Variants in WDFY4 observed in about 807,000 individuals in gnomAD.
The protein encoded by WDFY4 is WD repeat- and FYVE domain-containing protein 4.
Under a neutral mutation model 351.9 loss-of-function variants are expected in WDFY4, and 169 were observed. The ratio of observed to expected loss-of-function variants is 0.48; its 90% CI spans 0.42 to 0.55. The LOEUF is 0.55. Ranked by LOEUF, WDFY4 falls within the 20% of genes least tolerant of loss-of-function variation. The pLI is 0.00. For synonymous variants in WDFY4, 1,622 were observed against 1,574.6 expected (o/e 1.03, Z -0.71); for missense variants, 3,803 against 3,935.6 (o/e 0.97, Z 0.90).
intron 8 of WDFY4, 55 bp from the exon 9 acceptor site, chr10:48,731,055 T>G: frequency 6.9e-7 from 1 of 1,456,570 alleles, no homozygotes; most frequent in Non-Finnish European, 9.1e-7. Flanking sequence ...AACATCTATT[T>G]GTAGACACAG....
Position 48,912,872 on chromosome 10 carries a change from T to A in WDFY4, c.7586+11009T>A, listed in dbSNP as rs556879062. 6.8e-4 allele frequency among the ~76,000 whole-genome samples: 104 copies of A among 152,376 alleles called. 1 individual carries two copies. The highest frequency in any genetic ancestry group is 3.4e-3 in the Middle Eastern group (1 of 294). ...AGCTATCTGCCTATTGATGCCTTAA[T>A]AATAAAACCTGCCCATTTCTGTGGT... is the stretch of plus-strand genomic sequence containing the variant. On this transcript the variant is annotated intron_variant, in intron 47 of 61. Transcript: ENST00000325239.
chr10:48,970,218 A>C lies in WDFY4; in HGVS notation c.8857A>C (p.Thr2953Pro), dbSNP rs1369617927. The change falls in exon 57 of 62, where the codon ACC becomes CCC. Residue 2953 changes from threonine to proline, a missense_variant. Thr to Pro is a conservative substitution (Grantham distance 38, BLOSUM62 -1). Coordinates refer to ENST00000325239, the MANE Select transcript of WDFY4 (RefSeq NM_001394531.1). Reference sequence around the variant, plus strand: ...CCCAACAACGATTGTCACCTCTGGGACCAGCACTGTGGTGTGTGTGTGGGA... The same window carrying C: ...CCCAACAACGATTGTCACCTCTGGGCCCAGCACTGTGGTGTGTGTGTGGGA... ...PSPTTIVTSG[T>P]STVVCVWELS... 6.4e-7 allele frequency: 1 copy of C among 1,551,676 alleles called. No individual in the cohort carries two copies. The highest frequency in any genetic ancestry group is 2.0e-5 in the Admixed American group (1 of 51,010).
intron 19 of WDFY4, among the ~76,000 whole-genome samples, chr10:48,784,062 A>G (rs1376309829): frequency 6.6e-6 from 1 of 152,186 alleles, no homozygotes. Context: ...CAAGGTATGG[A>G]TGTGCCATAG....
chr10:48,701,008 A>G (rs2063465819), intron 1 of WDFY4, among the ~76,000 whole-genome samples: 1 of 152,216 alleles, frequency 6.6e-6, no homozygotes, highest in African/African-American at 2.4e-5. Flanking sequence ...TTGTACAACC[A>G]TCAGCACTAT....
At chr10:48,833,903 C>T (rs903063405) in intron 39 of WDFY4, among the ~76,000 whole-genome samples, 1 of 152,186 alleles carries the variant, frequency 6.6e-6, no homozygotes, top group Non-Finnish European at 1.5e-5. Flanking sequence ...GAGGTGGAGC[C>T]TAAATCCCAC....
chr10:48,688,205 A>G (rs1405975912), intron 1 of WDFY4, among the ~76,000 whole-genome samples: 1 of 152,244 alleles, frequency 6.6e-6, no homozygotes, highest in Admixed American at 6.5e-5. Context: ...ACAATGCTAG[A>G]CAACATTGTT....
chr10:48,824,365 G>A (rs962311715), intron 35 of WDFY4, among the ~76,000 whole-genome samples: 3 of 152,170 alleles, frequency 2.0e-5, no homozygotes, highest in African/African-American at 4.8e-5. Flanking sequence ...AATACTATAA[G>A]TATTCTATGA....
intron 1 of WDFY4, among the ~76,000 whole-genome samples, chr10:48,686,995 A>C (rs2063068169): frequency 6.6e-6 from 1 of 152,138 alleles, no homozygotes; most frequent in African/African-American, 2.4e-5. Flanking sequence ...CAATGCACCA[A>C]AGTTTCTGTT....
intron 1 of WDFY4, among the ~76,000 whole-genome samples, chr10:48,700,300 G>A (rs10857620): frequency 0.59 from 90,328 of 152,052 alleles, 26,956 homozygotes; most frequent in East Asian, 0.71. Context: ...TGTACGTTAT[G>A]TAGACTGTGC....
At chr10:48,695,589 T>C (rs986755190) in intron 1 of WDFY4, among the ~76,000 whole-genome samples, 3 of 152,230 alleles carry the variant, frequency 2.0e-5, no homozygotes, top group Non-Finnish European at 4.4e-5. Context: ...AGAACATTGA[T>C]GTCTCTGTTA....
At chr10:48,729,692 A>C in intron 8 of WDFY4, 103 bp downstream of exon 8, 1 of 1,400,828 alleles carries the variant, frequency 7.1e-7, no homozygotes. Flanking sequence ...TCAATGGTGC[A>C]GTAGGCTCTG....
chr10:48,796,298 A>T lies in WDFY4; in HGVS notation c.4258A>T (p.Ile1420Leu). Residue 1420 changes from isoleucine (I) to leucine (L), a missense_variant and splice_region_variant, in exon 24 of 62, where the codon ATA becomes TTA. Coordinates refer to ENST00000325239, the MANE Select transcript of WDFY4 (RefSeq NM_001394531.1). Reference protein sequence around the residue: ...FLMQHICGYQIMAFLLRKKAS... With the variant: ...FLMQHICGYQLMAFLLRKKAS... ...AACTGCTTTGTGTTAACCTTTTCAG[A>T]TAATGGCGTTTCTCCTGAGGAAGAA... 1.3e-6 allele frequency: 2 copies of T among 1,551,518 alleles called. No individual in the cohort carries two copies. Among genetic ancestry groups the T allele is most frequent in the Non-Finnish European group, 1.7e-6 (2 of 1,146,796 alleles).
chr10:48,914,838 A>T (rs868002720), intron 47 of WDFY4, among the ~76,000 whole-genome samples: 88 of 152,338 alleles, frequency 5.8e-4, no homozygotes, highest in Middle Eastern at 6.8e-3. Flanking sequence ...TGGGCCCAGC[A>T]GCACCATAAC....
chr10:48,781,850 A>G (rs2132665442), intron 19 of WDFY4, among the ~76,000 whole-genome samples: 1 of 152,336 alleles, frequency 6.6e-6, no homozygotes, highest in Middle Eastern at 3.4e-3. Flanking sequence ...TTTAGGTTCT[A>G]AGAATTATTT....
chr10:48,688,102 C>A (rs1243636853), intron 1 of WDFY4, among the ~76,000 whole-genome samples: 1 of 152,198 alleles, frequency 6.6e-6, no homozygotes, highest in Non-Finnish European at 1.5e-5. Flanking sequence ...ATTCTTTAGT[C>A]ACTGATCCAT....
Position 48,814,611 on chromosome 10 carries a change from A to G in WDFY4, c.5340+529A>G, listed in dbSNP as rs182628337. Among the ~76,000 whole-genome samples the G allele has an allele frequency of 2.8e-3, 427 of 152,358 alleles. 2 individuals are homozygous for G. Among genetic ancestry groups the G allele is most frequent in the African/African-American group, 9.5e-3 (397 of 41,592 alleles). On this transcript the variant is annotated intron_variant, in intron 31 of 61. Coordinates refer to ENST00000325239, the MANE Select transcript of WDFY4 (RefSeq NM_001394531.1). ...TGTGACTTGTGAACAGGAATAATTA[A>G]TGGTAAGCCAGGTCAGGGAGGGTTT...
chr10:48,841,539 T>C (rs1290737237), intron 39 of WDFY4, among the ~76,000 whole-genome samples: 1 of 152,226 alleles, frequency 6.6e-6, no homozygotes, highest in Non-Finnish European at 1.5e-5. Flanking sequence ...CATGACTTGC[T>C]GAAAATAGGT....
intron 55 of WDFY4, 158 bp downstream of exon 55, chr10:48,966,831 G>A: frequency 9.6e-7 from 1 of 1,041,388 alleles, no homozygotes. Context: ...CTAGGGGGGT[G>A]TCATCTCTGG....
intron 50 of WDFY4, 128 bp from the exon 51 acceptor site, chr10:48,946,732 C>A: frequency 2.9e-6 from 2 of 698,152 alleles, no homozygotes; most frequent in South Asian, 1.9e-5. Context: ...TACTTTAGGT[C>A]TGTTCACTTC....
Sources: allele counts gnomAD v4.1 joint callset (sites outside exome capture counted in the v4.1 genomes callset), GRCh38; gene constraint gnomAD v4.1.1; transcripts MANE v1.5; gene names NCBI Gene and HGNC (gene_info 2026-07-23, HGNC 2026-07-21).